SHISA9: variants seen among roughly 807,000 people sequenced by gnomAD.
The protein encoded by SHISA9 is shisa family member 9.
In SHISA9, 13 loss-of-function variants were observed where a neutral mutation model predicts 38.0. The observed-to-expected ratio is 0.34, with a 90% CI of 0.22 to 0.54. SHISA9 has a LOEUF of 0.54. Among genes scored for constraint, SHISA9 ranks in the 20% least tolerant of loss-of-function variants. The pLI is 0.91. For missense variants in SHISA9, 538 were observed against 575.8 expected, an observed-to-expected ratio of 0.93 and a Z score of 0.67; for synonymous variants, 275 against 242.0, an observed-to-expected ratio of 1.14 and a Z score of -1.27.
chr16:13,106,248 T>C (rs2073924198), intron 2 of SHISA9, among the ~76,000 whole-genome samples: 1 of 152,198 alleles, frequency 6.6e-6, no homozygotes, highest in Non-Finnish European at 1.5e-5. Context: ...TGCTGGTACA[T>C]CTGCCTCCCT....
chr16:13,374,756 G>A, the SHISA9 span, among the ~76,000 whole-genome samples: 1 of 152,150 alleles, frequency 6.6e-6, no homozygotes, highest in Non-Finnish European at 1.5e-5. Flanking sequence ...CTTCCACAAT[G>A]GTTGAACTAG....
chr16:13,176,248 G>A (rs1319846604), intron 2 of SHISA9, among the ~76,000 whole-genome samples: 2 of 152,022 alleles, frequency 1.3e-5, no homozygotes, highest in African/African-American at 4.8e-5. Context: ...ATTTTGGGGG[G>A]TCTAGGTATG....
chr16:12,922,795 C>T (rs2071344484), intron 2 of SHISA9, among the ~76,000 whole-genome samples: 1 of 151,684 alleles, frequency 6.6e-6, no homozygotes, highest in African/African-American at 2.4e-5. Flanking sequence ...GCTGGGATTA[C>T]AGGTGTGAGC....
chr16:12,911,152 G>A (rs747888305), intron 1 of SHISA9: 4 of 611,330 alleles, frequency 6.5e-6, no homozygotes, highest in Non-Finnish European at 8.2e-6. Context: ...TGAACCAGCA[G>A]CATTTTTATC....
the SHISA9 span, among the ~76,000 whole-genome samples, chr16:13,374,025 G>A: frequency 6.6e-6 from 1 of 152,204 alleles, no homozygotes; most frequent in East Asian, 1.9e-4. Flanking sequence ...GAGGAACAGA[G>A]ACATGAATCA....
intron 2 of SHISA9, among the ~76,000 whole-genome samples, chr16:13,203,010 T>A (rs760837296): frequency 6.6e-6 from 1 of 152,180 alleles, no homozygotes; most frequent in Non-Finnish European, 1.5e-5. Context: ...CATCTGCCAA[T>A]CTGTTGGCAA....
chr16:13,297,827 G>T, the SHISA9 span, among the ~76,000 whole-genome samples: 2 of 152,112 alleles, frequency 1.3e-5, no homozygotes, highest in Admixed American at 6.6e-5. Context: ...CACAATCTCG[G>T]CTCACTGCAA....
intron 2 of SHISA9, among the ~76,000 whole-genome samples, chr16:13,072,163 T>G (rs1042975524): frequency 1.6e-4 from 25 of 152,230 alleles, no homozygotes; most frequent in African/African-American, 5.8e-4. Context: ...CCAGGCCATC[T>G]CACCAGTGTC....
chr16:12,973,418 A>T (rs2072111626), intron 2 of SHISA9, among the ~76,000 whole-genome samples: 1 of 152,174 alleles, frequency 6.6e-6, no homozygotes, highest in African/African-American at 2.4e-5. Flanking sequence ...GTGATTCTTA[A>T]CTTCCATAAA....
chr16:12,965,898 C>T (rs2071971599), intron 2 of SHISA9, among the ~76,000 whole-genome samples: 2 of 152,104 alleles, frequency 1.3e-5, no homozygotes, highest in African/African-American at 2.4e-5. Context: ...TAGCAAAGGG[C>T]GATAAGTGCT....
At chr16:13,528,907 G>C in the SHISA9 span, among the ~76,000 whole-genome samples, 5 of 152,066 alleles carry the variant, frequency 3.3e-5, no homozygotes, top group Non-Finnish European at 7.4e-5. Flanking sequence ...ACACAGTCAG[G>C]GGCAAGTTCC....
At chr16:13,464,299 G>A in the SHISA9 span, among the ~76,000 whole-genome samples, 1 of 152,166 alleles carries the variant, frequency 6.6e-6, no homozygotes. Flanking sequence ...TGTTGGAGGA[G>A]TTTGAGAATC....
chr16:13,251,601 G>C, the SHISA9 span, among the ~76,000 whole-genome samples: 1 of 152,040 alleles, frequency 6.6e-6, no homozygotes, highest in African/African-American at 2.4e-5. Flanking sequence ...CTCCTCAGAG[G>C]GTCCTAGTGG....
At chr16:13,124,874 C>T (rs1164599223) in intron 2 of SHISA9, among the ~76,000 whole-genome samples, 2 of 152,162 alleles carry the variant, frequency 1.3e-5, no homozygotes, top group Admixed American at 6.5e-5. Context: ...GGGAAAAAGG[C>T]AGTCTCTTCA....
At chr16:13,037,777 C>G (rs1183337934) in intron 2 of SHISA9, among the ~76,000 whole-genome samples, 1 of 152,134 alleles carries the variant, frequency 6.6e-6, no homozygotes, top group African/African-American at 2.4e-5. Context: ...CTGATTCATT[C>G]ACTACCTTCT....
chr16:13,210,381 C>T (rs537181165), intron 3 of SHISA9, among the ~76,000 whole-genome samples: 2 of 152,170 alleles, frequency 1.3e-5, no homozygotes, highest in South Asian at 4.2e-4. Flanking sequence ...AAGAAAGAGA[C>T]AGGATGTACC....
intron 2 of SHISA9, among the ~76,000 whole-genome samples, chr16:13,147,619 C>T (rs753036204): frequency 1.1e-4 from 16 of 152,072 alleles, no homozygotes; most frequent in African/African-American, 9.6e-5. Context: ...CACAACACCA[C>T]GCCTGGCTAA....
At chr16:13,268,710 C>G in the SHISA9 span, among the ~76,000 whole-genome samples, 1 of 152,026 alleles carries the variant, frequency 6.6e-6, no homozygotes, top group Non-Finnish European at 1.5e-5. Flanking sequence ...TTTTTCTTTC[C>G]TAATGAGCTG....
At chr16:13,193,498 C>T (rs2050907178) in intron 2 of SHISA9, among the ~76,000 whole-genome samples, 1 of 152,098 alleles carries the variant, frequency 6.6e-6, no homozygotes, top group African/African-American at 2.4e-5. Context: ...ATTACAGCTA[C>T]CATGCCCGGC....
Sources: allele counts gnomAD v4.1 joint callset (sites outside exome capture counted in the v4.1 genomes callset), GRCh38; gene constraint gnomAD v4.1.1; transcripts MANE v1.5; gene names NCBI Gene and HGNC (gene_info 2026-07-23, HGNC 2026-07-21).